Variants in KIAA1549L observed in about 807,000 individuals in gnomAD.
The protein encoded by KIAA1549L is KIAA1549 like.
A neutral mutation model predicts 160.7 loss-of-function variants in KIAA1549L; 88 were observed. The observed-to-expected ratio is 0.55, with a 90% CI of 0.46 to 0.65. The LOEUF is 0.65. Among genes scored for constraint, KIAA1549L ranks in the 30% least tolerant of loss-of-function variants. KIAA1549L has a pLI of 0.00. For missense variants in KIAA1549L, 2,258 were observed against 2,437.5 expected (o/e 0.93, Z 1.55); for synonymous variants, 950 against 976.7 (o/e 0.97, Z 0.51).
intron 1 of KIAA1549L, among the ~76,000 whole-genome samples, chr11:33,400,697 G>T (rs1019542662): frequency 6.6e-6 from 1 of 152,220 alleles, no homozygotes; most frequent in African/African-American, 2.4e-5. Flanking sequence ...ACCTAAAACT[G>T]TAGAATGTCT....
chr11:33,442,382 T>G (rs1311005997), intron 1 of KIAA1549L, among the ~76,000 whole-genome samples: 3 of 152,118 alleles, frequency 2.0e-5, no homozygotes, highest in Non-Finnish European at 2.9e-5. Flanking sequence ...TCTTTTGGCT[T>G]AGGATTGACT....
rs756127705 is a variant in KIAA1549L at position 33,618,533 on chromosome 11, G to A, written c.5280G>A (p.Arg1760=). The A allele has an allele frequency of 4.4e-5, 71 of 1,601,134 alleles. No individual in the cohort carries two copies. In the South Asian group the frequency reaches 4.8e-4, roughly 11 times the overall value. Residue 1760 remains arginine, a splice_region_variant and synonymous_variant, in exon 16 of 21, where the codon AGG becomes AGA. Transcript: ENST00000658780. The part of the protein sequence containing the change: ...LCAPFTESKN[R]QQMKNSVYRS... ...ATAACAGTTGTTGAATTTTCTTCAG[G>A]CAACAGATGAAGAACTCTGTCTACA...
chr11:33,592,171 TG>T (rs747250818), intron 12 of KIAA1549L, among the ~76,000 whole-genome samples: 5 of 152,186 alleles, frequency 3.3e-5, no homozygotes, highest in Non-Finnish European at 7.3e-5. Context: ...GAGTTCATAG[TG>T]GCTGGATGTA....
chr11:33,470,587 C>T (rs546352121), intron 1 of KIAA1549L, among the ~76,000 whole-genome samples: 6 of 152,032 alleles, frequency 3.9e-5, no homozygotes, highest in East Asian at 1.9e-4. Flanking sequence ...TGCCACCTCA[C>T]GCAGCTAATA....
At chr11:33,492,435 C>T (rs1177082261) in intron 1 of KIAA1549L, among the ~76,000 whole-genome samples, 2 of 152,126 alleles carry the variant, frequency 1.3e-5, no homozygotes, top group Admixed American at 6.6e-5. Context: ...GAACCCTGGA[C>T]TAGGAACCCC....
Position 33,668,098 on chromosome 11 carries a change from G to A in KIAA1549L, c.6385G>A (p.Glu2129Lys), listed in dbSNP as rs748317031. 1 of 1,614,030 alleles carries A rather than the reference G, an allele frequency of 6.2e-7. No individual in the cohort carries two copies. Among genetic ancestry groups the A allele is most frequent in the Non-Finnish European group, 8.5e-7 (1 of 1,179,898 alleles). The change falls in exon 21 of 21, where the codon GAG becomes AAG. Residue 2129 changes from glutamate (E) to lysine (K), a missense_variant. Glu to Lys is a moderately conservative substitution (Grantham distance 56, BLOSUM62 1). This residue lies in a region of KIAA1549L where 1,359 missense variants were observed against 1,546.6 expected (regional missense o/e 0.88). Coordinates refer to ENST00000658780, the MANE Select transcript of KIAA1549L (RefSeq NM_012194.3). ...TGCGGCCCTTGTGAAGGCCATCCGG[G>A]AGGAGGTGGCCAAGCTGGCCAAAAA... ...STAALVKAIR[E>K]EVAKLAKKQT...
At chr11:33,612,270 A>G (rs1445794456) in intron 15 of KIAA1549L, among the ~76,000 whole-genome samples, 2 of 152,202 alleles carry the variant, frequency 1.3e-5, no homozygotes, top group African/African-American at 4.8e-5. Context: ...CTGACTGTTT[A>G]TCTGCTATCA....
chr11:33,434,713 T>G (rs141179728), intron 1 of KIAA1549L, among the ~76,000 whole-genome samples: 85 of 152,316 alleles, frequency 5.6e-4, no homozygotes, highest in African/African-American at 2.0e-3. Flanking sequence ...AAAATCCAAA[T>G]AGGCCTACTT....
chr11:33,569,869 G>A (rs1291552890), intron 9 of KIAA1549L, among the ~76,000 whole-genome samples: 2 of 152,188 alleles, frequency 1.3e-5, no homozygotes, highest in Non-Finnish European at 2.9e-5. Flanking sequence ...CTCAGATAAT[G>A]GAACTGGGAT....
Position 33,596,818 on chromosome 11 carries a change from C to T in KIAA1549L, c.4752-2002C>T, listed in dbSNP as rs998081015. ...TTCCTTTCCTATTTTTTTTTCTGGACGCAAATTAAAGCCTTTTGTACCAGT... is the reference window on the plus strand; with the variant it reads ...TTCCTTTCCTATTTTTTTTTCTGGATGCAAATTAAAGCCTTTTGTACCAGT... On this transcript the variant is annotated intron_variant, in intron 12 of 20. Coordinates refer to ENST00000658780, the MANE Select transcript of KIAA1549L (RefSeq NM_012194.3). Among the ~76,000 whole-genome samples, 8 of 151,396 alleles carry T rather than the reference C, an allele frequency of 5.3e-5. No individual in the cohort carries two copies. The Middle Eastern group carries it at 0.01, about 193-fold the overall frequency.
chr11:33,629,878 T>G (rs564987440), intron 16 of KIAA1549L, among the ~76,000 whole-genome samples: 1 of 96,522 alleles, frequency 1.0e-5, no homozygotes, highest in Non-Finnish European at 1.9e-5. Flanking sequence ...TTTTTAGAGT[T>G]TCCAGTTTTT....
chr11:33,482,387 T>C (rs1448990615), intron 1 of KIAA1549L, among the ~76,000 whole-genome samples: 1 of 152,112 alleles, frequency 6.6e-6, no homozygotes, highest in African/African-American at 2.4e-5. Context: ...GACATTGTTG[T>C]TTTTTCCCCC....
At chr11:33,559,668 T>TC in intron 6 of KIAA1549L, 81 bp from the exon 7 acceptor site, 1 of 1,205,494 alleles carries the variant, frequency 8.3e-7, no homozygotes, top group Non-Finnish European at 1.2e-6. Flanking sequence ...CTGCTTAGCC[T>TC]CCCCCTCCCA....
chr11:33,408,510 T>TATATATATATATATATATATATAC (rs58439063), intron 1 of KIAA1549L, among the ~76,000 whole-genome samples: 8 of 146,100 alleles, frequency 5.5e-5, no homozygotes, highest in African/African-American at 1.8e-4. Context: ...TATATATATA[T>TATATATATATATATATATATATAC]ACACATGTAT....
At chr11:33,592,264 G>A (rs1001873072) in intron 12 of KIAA1549L, among the ~76,000 whole-genome samples, 12 of 152,156 alleles carry the variant, frequency 7.9e-5, no homozygotes, top group Non-Finnish European at 1.5e-4. Context: ...TATTATCTAG[G>A]CAACGGGGAG....
intron 1 of KIAA1549L, among the ~76,000 whole-genome samples, chr11:33,439,873 T>C (rs562729876): frequency 2.6e-5 from 4 of 152,120 alleles, no homozygotes; most frequent in African/African-American, 9.6e-5. Context: ...TTCCAACTTT[T>C]TGATATTTTT....
intron 1 of KIAA1549L, among the ~76,000 whole-genome samples, chr11:33,406,918 AG>A (rs1428121002): frequency 2.0e-5 from 3 of 152,002 alleles, no homozygotes; most frequent in East Asian, 3.9e-4. Context: ...CTGCTGCTGG[AG>A]GTGTAATGTT....
chr11:33,585,623 CTG>C (rs1488873480), intron 11 of KIAA1549L, among the ~76,000 whole-genome samples: 4 of 152,234 alleles, frequency 2.6e-5, no homozygotes, highest in Non-Finnish European at 5.9e-5. Context: ...CAGAATCTAA[CTG>C]TACCCACATC....
At chr11:33,650,600 G>A (rs1052083601) in intron 17 of KIAA1549L, among the ~76,000 whole-genome samples, 17 of 152,184 alleles carry the variant, frequency 1.1e-4, no homozygotes, top group Admixed American at 9.2e-4. Context: ...CGGGTTGCCC[G>A]TCCAGGCAGA....
Sources: gnomAD v4.1 joint callset for allele counts (sites outside exome capture counted in the v4.1 genomes callset) on GRCh38, gnomAD v4.1.1 for gene constraint, gnomAD v4.1.1 regional missense constraint, MANE v1.5 for transcripts, NCBI Gene and HGNC (gene_info 2026-07-23, HGNC 2026-07-21) for gene names.